Variants in IFT122 observed in about 807,000 individuals in gnomAD.
IFT122 encodes intraflagellar transport protein 122 homolog.
Under a neutral mutation model 161.6 loss-of-function variants are expected in IFT122, and 118 were observed. That is an observed-to-expected ratio of 0.73 (90% CI 0.63 to 0.85). The LOEUF is 0.85. Among genes scored for constraint, IFT122 ranks in the 40% least tolerant of loss-of-function variants. The pLI is 0.00. For synonymous variants in IFT122, 550 were observed against 602.4 expected (o/e 0.91, Z 1.27); for missense variants, 1,381 against 1,579.6 (o/e 0.87, Z 2.13).
chr3:129,517,448 C>G, intron 26 of IFT122, 21 bp from the exon 27 acceptor site: 6 of 1,612,644 alleles, frequency 3.7e-6, no homozygotes, highest in Non-Finnish European at 5.1e-6. Flanking sequence ...GCCCCCTCAG[C>G]CCTTTCTCTA....
chr3:129,504,804 A>G (rs1313254442), intron 21 of IFT122, among the ~76,000 whole-genome samples: 1 of 152,138 alleles, frequency 6.6e-6, no homozygotes, highest in Non-Finnish European at 1.5e-5. Flanking sequence ...AAAGAGGTGA[A>G]GAAATTTGCC....
chr3:129,503,068 C>G (rs371894257), intron 20 of IFT122, among the ~76,000 whole-genome samples, 186 bp downstream of exon 20: 5 of 152,312 alleles, frequency 3.3e-5, no homozygotes, highest in African/African-American at 9.6e-5. Context: ...GAGGGCCTTT[C>G]CACTTGTCCC....
At chr3:129,492,740 G>C (rs550548607) in intron 17 of IFT122, among the ~76,000 whole-genome samples, 1 of 152,106 alleles carries the variant, frequency 6.6e-6, no homozygotes, top group South Asian at 2.1e-4. Flanking sequence ...AAACCCAATA[G>C]GCCTGCAGTG....
rs750761979 is a variant in IFT122 at position 129,506,520 on chromosome 3, TGTCCATGCA to T, written c.2765_2773del (p.Ser922_Gln924del). 6.2e-7 allele frequency: 1 copy of T among 1,614,240 alleles called. No individual in the cohort carries two copies. The highest frequency in any genetic ancestry group is 1.1e-5 in the South Asian group (1 of 91,084). Reference sequence around the variant, plus strand: ...GATGCTGCCTATTATTACTGGATGCTGTCCATGCAGTGCCTCGATATAGCTCAAGGTGTG... The same window carrying T: ...GATGCTGCCTATTATTACTGGATGCTGTGCCTCGATATAGCTCAAGGTGTG... On this transcript the variant is annotated inframe_deletion, in exon 22 of 30. Transcript: ENST00000348417.
intron 29 of IFT122, among the ~76,000 whole-genome samples, 165 bp from the exon 30 acceptor site, chr3:129,520,011 C>T (rs1325766096): frequency 6.6e-5 from 10 of 152,186 alleles, no homozygotes; most frequent in South Asian, 2.1e-4. Context: ...CCCACAGCCC[C>T]CTCCCATCTC....
intron 26 of IFT122, among the ~76,000 whole-genome samples, chr3:129,516,397 C>G (rs2083629931): frequency 7.0e-6 from 1 of 143,748 alleles, no homozygotes; most frequent in Non-Finnish European, 1.5e-5. Context: ...TGCTCCTGCA[C>G]ACACATACAG....
At chr3:129,452,884 G>C (rs1477618597) in intron 3 of IFT122, among the ~76,000 whole-genome samples, 1 of 152,190 alleles carries the variant, frequency 6.6e-6, no homozygotes, top group Non-Finnish European at 1.5e-5. Context: ...GGGCAGAGGA[G>C]GTGATGAGAA....
At position 129,479,720 on chromosome 3, in the gene IFT122, C is replaced by T. The variant is rs570362884; in HGVS notation, c.1351-65C>T. On this transcript the variant is annotated intron_variant, in intron 12 of 29. Coordinates refer to ENST00000348417, the MANE Select transcript of IFT122 (RefSeq NM_052989.3). ...TCTCCCCTTAGGGACAGAAAGATCTCCTTGGGGAGGTCTGGGGGCACTTAT... is the reference window on the plus strand; with the variant it reads ...TCTCCCCTTAGGGACAGAAAGATCTTCTTGGGGAGGTCTGGGGGCACTTAT... The T allele has an allele frequency of 2.1e-5, 34 of 1,604,458 alleles. No homozygotes were observed. The South Asian group carries it at 3.5e-4, about 17-fold the overall frequency.
chr3:129,514,613 C>A, intron 25 of IFT122, 59 bp downstream of exon 25: 3 of 1,586,394 alleles, frequency 1.9e-6, no homozygotes, highest in Admixed American at 3.3e-5. Context: ...CCATCTCATG[C>A]CTTCTTGCCT....
intron 23 of IFT122, among the ~76,000 whole-genome samples, chr3:129,510,876 T>G (rs2082743567): frequency 6.6e-6 from 1 of 152,208 alleles, no homozygotes; most frequent in African/African-American, 2.4e-5. Flanking sequence ...GTCCCTGCAG[T>G]CAGTCCCAGT....
intron 9 of IFT122, among the ~76,000 whole-genome samples, chr3:129,475,681 G>A (rs139398399): frequency 4.9e-4 from 74 of 151,852 alleles, no homozygotes; most frequent in East Asian, 1.7e-3. Flanking sequence ...AGGCATGGTG[G>A]CACTCACCTA....
At chr3:129,501,507 C>T (rs927245208) in intron 19 of IFT122, among the ~76,000 whole-genome samples, 2 of 152,208 alleles carry the variant, frequency 1.3e-5, no homozygotes, top group African/African-American at 2.4e-5. Flanking sequence ...GACAGAGGCA[C>T]AGATTTTGTT....
At chr3:129,509,364 C>T (rs1050389505) in intron 23 of IFT122, among the ~76,000 whole-genome samples, 2 of 152,178 alleles carry the variant, frequency 1.3e-5, no homozygotes, top group Non-Finnish European at 2.9e-5. Flanking sequence ...TGATTGCTCT[C>T]GGTTGTTGTC....
chr3:129,517,654 C>T (rs545912407), intron 27 of IFT122, 60 bp downstream of exon 27: 317 of 1,594,794 alleles, frequency 2.0e-4, no homozygotes, highest in Admixed American at 3.0e-4. Flanking sequence ...TGGGGACAGG[C>T]GGGAAGTAGG....
At position 129,450,713 on chromosome 3, in the gene IFT122, G is replaced by GTTTT. The variant is rs747032492; in HGVS notation, c.108+797_108+800dup. Among the ~76,000 whole-genome samples, 131 of 80,920 alleles carry GTTTT rather than the reference G, an allele frequency of 1.6e-3. 1 individual carries two copies. Among genetic ancestry groups the GTTTT allele is most frequent in the Non-Finnish European group, 2.1e-3 (91 of 42,648 alleles). 53.1% of individuals were successfully genotyped at this position (80,920 alleles called of 152,430 possible). A position where few individuals can be genotyped will look rare whatever the true frequency, so the allele number is the denominator to read the frequency against. On this transcript the variant is annotated intron_variant, in intron 2 of 29. Transcript: ENST00000348417. ...TTTCTCAGATGGTGTGTGTGTGTGTGTTTTTTTTTTTTTTTTTTTTTTTTG... is the reference window on the plus strand; with the variant it reads ...TTTCTCAGATGGTGTGTGTGTGTGTGTTTTTTTTTTTTTTTTTTTTTTTTTTTTG...
chr3:129,491,771 CA>C (rs1577836201), intron 16 of IFT122, among the ~76,000 whole-genome samples: 2 of 152,292 alleles, frequency 1.3e-5, no homozygotes, highest in East Asian at 3.9e-4. Flanking sequence ...CCATGCATCT[CA>C]TCCTCTCCTG....
At chr3:129,449,235 A>C (rs1174582233) in intron 1 of IFT122, among the ~76,000 whole-genome samples, 1 of 152,122 alleles carries the variant, frequency 6.6e-6, no homozygotes, top group African/African-American at 2.4e-5. Context: ...ATTTCATCCA[A>C]TCTAATAGGT....
chr3:129,487,935 C>T lies in IFT122; in HGVS notation c.1852-322C>T, dbSNP rs111250570. 0.013 allele frequency: 5,227 copies of T among 408,876 alleles called. 1 individual carries two copies. The East Asian group carries it at 0.19, about 15-fold the overall frequency. The allele number at this position is 408,876 out of a possible 1,614,324, so 25.3% of individuals were successfully genotyped here. A position where few individuals can be genotyped will look rare whatever the true frequency, so the allele number is the denominator to read the frequency against. On this transcript the variant is annotated intron_variant, in intron 15 of 29. Coordinates refer to ENST00000348417, the MANE Select transcript of IFT122 (RefSeq NM_052989.3). ...GCCTTGAAAGCCAAATAGGTATTTT[C>T]CAGAGGCAGAGTGGGGAGGGGCAAA...
rs117320718 is a variant in IFT122, at chr3:129,441,214, C to T, written c.41+843C>T. On this transcript the variant is annotated intron_variant, in intron 1 of 29. Transcript: ENST00000348417. ...AAAATCATTCAGCATTGTTGTGAAG[C>T]CTCTGTTCTGGCCACTGGAGCAGGT... 5.2e-4 allele frequency among the ~76,000 whole-genome samples: 79 copies of T among 152,278 alleles called. 1 individual carries two copies. The East Asian group carries it at 0.014, about 28-fold the overall frequency.
Sources: allele counts gnomAD v4.1 joint callset (sites outside exome capture counted in the v4.1 genomes callset), GRCh38; gene constraint gnomAD v4.1.1; transcripts MANE v1.5; gene names NCBI Gene and HGNC (gene_info 2026-07-23, HGNC 2026-07-21).